Variants in TP53BP2 observed in about 807,000 individuals in gnomAD.
The protein encoded by TP53BP2 is tumor protein p53 binding protein 2, also known as apoptosis-stimulating of p53 protein 2.
Under a neutral mutation model 126.2 loss-of-function variants are expected in TP53BP2, and 62 were observed. The observed-to-expected ratio is 0.49, with a 90% confidence interval of 0.40 to 0.61. TP53BP2 has a LOEUF of 0.61. Among genes scored for constraint, TP53BP2 ranks in the 20% least tolerant of loss-of-function variants. TP53BP2 has a pLI of 0.00. For missense variants in TP53BP2, 1,215 were observed against 1,402.8 expected, an observed-to-expected ratio of 0.87 and a Z score of 2.14; for synonymous variants, 485 against 502.9, an observed-to-expected ratio of 0.96 and a Z score of 0.48.
intron 11 of TP53BP2, 125 bp downstream of exon 11, chr1:223,799,774 G>A (rs1662467626): frequency 2.4e-6 from 2 of 839,984 alleles, no homozygotes; most frequent in Non-Finnish European, 3.3e-6. Context: ...GAATGCTAAT[G>A]TATTTTCTAA....
Position 223,807,295 on chromosome 1 carries a change from T to C in TP53BP2, c.373-348A>G, listed in dbSNP as rs544764190. 4.7e-4 allele frequency among the ~76,000 whole-genome samples: 72 copies of C among 152,330 alleles called. 1 individual carries two copies. In the South Asian group the frequency reaches 9.7e-3, roughly 21 times the overall value. ...CAGAAGTGTTTGATCATATTAAACA[T>C]GGTATTGAGGCACTGGCAGCAAACC... On this transcript the variant is annotated intron_variant, in intron 4 of 17. Transcript: ENST00000343537.
At position 223,816,852 on chromosome 1, in the gene TP53BP2, T is replaced by TA. The variant is rs201147138; in HGVS notation, c.176-2500dup. Among the ~76,000 whole-genome samples, 851 of 139,818 alleles carry TA rather than the reference T, an allele frequency of 6.1e-3. 2 individuals are homozygous for TA. The highest frequency in any genetic ancestry group is 7.5e-3 in the Middle Eastern group (2 of 266). 91.7% of individuals were successfully genotyped at this position (139,818 alleles called of 152,430 possible). ...TGTTGTATACCTTAAATATACACATTAAAAAAAAAAAAAAATGTGTGGCCT... is the reference window on the plus strand; with the variant it reads ...TGTTGTATACCTTAAATATACACATTAAAAAAAAAAAAAAAATGTGTGGCCT... On this transcript the variant is annotated intron_variant, in intron 2 of 17. Coordinates refer to ENST00000343537, the MANE Select transcript of TP53BP2 (RefSeq NM_001031685.3).
At chr1:223,819,312 C>CT (rs1249151317) in intron 2 of TP53BP2, among the ~76,000 whole-genome samples, 3 of 152,016 alleles carry the variant, frequency 2.0e-5, no homozygotes, top group African/African-American at 7.3e-5. Flanking sequence ...GAGTACAGCC[C>CT]TGGCAAAGAT....
At chr1:223,786,037 T>C (rs915686258) in intron 16 of TP53BP2, among the ~76,000 whole-genome samples, 10 of 152,016 alleles carry the variant, frequency 6.6e-5, no homozygotes, top group African/African-American at 2.2e-4. Flanking sequence ...ACAGCACACA[T>C]GTCCTTCGAA....
At chr1:223,840,310 T>C (rs566820637) in intron 1 of TP53BP2, among the ~76,000 whole-genome samples, 216 of 152,372 alleles carry the variant, frequency 1.4e-3, no homozygotes, top group Non-Finnish European at 2.7e-3. Context: ...ATTTCATACA[T>C]AGTCACATCA....
chr1:223,837,163 G>GGGGA (rs1553264323), intron 1 of TP53BP2, among the ~76,000 whole-genome samples: 5,856 of 124,644 alleles, frequency 0.047, 170 homozygotes, highest in African/African-American at 0.072. Context: ...AAAGGGGGGG[G>GGGGA]GCGGGGGGTC....
chr1:223,792,863 C>CAAAA (rs35552256), intron 14 of TP53BP2, among the ~76,000 whole-genome samples: 2 of 129,356 alleles, frequency 1.5e-5, no homozygotes, highest in African/African-American at 2.8e-5. Flanking sequence ...CTATGGAAAG[C>CAAAA]AAAAAAAAAA....
intron 1 of TP53BP2, among the ~76,000 whole-genome samples, chr1:223,844,030 G>A (rs1664190453): frequency 6.6e-6 from 1 of 152,114 alleles, no homozygotes. Context: ...CCTAAGAGCT[G>A]AGTACTATTA....
intron 1 of TP53BP2, among the ~76,000 whole-genome samples, chr1:223,841,568 TTGTGCAAATC>T (rs949878458): frequency 3.3e-5 from 5 of 152,230 alleles, no homozygotes; most frequent in African/African-American, 1.2e-4. Flanking sequence ...TGGTTGTGTT[TTGTGCAAATC>T]TGTGCAAATA....
At chr1:223,782,283 C>G (rs1189162311) in intron 17 of TP53BP2, among the ~76,000 whole-genome samples, 7 of 152,104 alleles carry the variant, frequency 4.6e-5, no homozygotes. Context: ...AAATACAAGA[C>G]TCAAGTAAGC....
chr1:223,817,029 A>G (rs1354096900), intron 2 of TP53BP2, among the ~76,000 whole-genome samples: 1 of 150,800 alleles, frequency 6.6e-6, no homozygotes, highest in Admixed American at 6.6e-5. Flanking sequence ...GTGTGGTGGC[A>G]CATTCCTATA....
chr1:223,783,228 C>A (rs188202640), intron 17 of TP53BP2, among the ~76,000 whole-genome samples: 4 of 152,330 alleles, frequency 2.6e-5, no homozygotes, highest in Admixed American at 6.5e-5. Flanking sequence ...CCACACTAAT[C>A]TTGGGAGGCA....
intron 17 of TP53BP2, among the ~76,000 whole-genome samples, chr1:223,781,269 C>T (rs1423734142): frequency 3.9e-5 from 6 of 152,208 alleles, no homozygotes; most frequent in Non-Finnish European, 8.8e-5. Flanking sequence ...GCATTTGGAG[C>T]TTCTATTAGG....
chr1:223,804,040 T>C, intron 6 of TP53BP2, 134 bp downstream of exon 6: 1 of 869,328 alleles, frequency 1.2e-6, no homozygotes, highest in Admixed American at 2.5e-5. Context: ...CCCCAGCTAC[T>C]CAGGAGGCTG....
In TP53BP2 at chr1:223,796,523, A is replaced by G; in HGVS notation, c.2016T>C (p.Asn672=). ...CTGGACTGCCAGGCTTGCCCTGGCT[A>G]TTGGAATAAATGTTCTCTGGGTGCT... The part of the protein sequence containing the change: ...QQQHPENIYS[N]SQGKPGSPEP... Residue 672 remains asparagine, a synonymous_variant, in exon 13 of 18, where the codon AAT becomes AAC. Transcript: ENST00000343537. The surrounding 1 kb of genome is among the most constrained non-coding windows in gnomAD (Gnocchi z 4.2). The G allele has an allele frequency of 6.2e-7, 1 of 1,614,040 alleles. No homozygotes were observed. The highest frequency in any genetic ancestry group is 8.5e-7 in the Non-Finnish European group (1 of 1,180,002).
At chr1:223,782,077 G>A (rs1056419553) in intron 17 of TP53BP2, among the ~76,000 whole-genome samples, 1 of 152,052 alleles carries the variant, frequency 6.6e-6, no homozygotes, top group African/African-American at 2.4e-5. Flanking sequence ...AAGATCTACT[G>A]TACAACTTGG....
chr1:223,788,355 T>G (rs1245492497), intron 16 of TP53BP2, among the ~76,000 whole-genome samples: 1 of 152,152 alleles, frequency 6.6e-6, no homozygotes, highest in Admixed American at 6.5e-5. Flanking sequence ...TTAATTCCTC[T>G]CAAGCCCAAC....
intron 2 of TP53BP2, among the ~76,000 whole-genome samples, chr1:223,815,372 A>G (rs1324175303): frequency 6.6e-6 from 1 of 152,188 alleles, no homozygotes; most frequent in African/African-American, 2.4e-5. Context: ...TATAAACCAC[A>G]CATATTCTAA....
intron 1 of TP53BP2, among the ~76,000 whole-genome samples, chr1:223,834,587 G>C (rs1347154862): frequency 1.3e-5 from 2 of 151,982 alleles, no homozygotes; most frequent in Admixed American, 1.3e-4. Context: ...GAATTTCAGG[G>C]AATTCCATTT....
Sources: allele counts gnomAD v4.1 joint callset (sites outside exome capture counted in the v4.1 genomes callset), GRCh38; gene constraint gnomAD v4.1.1; non-coding constraint Gnocchi (gnomAD v3.1); transcripts MANE v1.5; gene names NCBI Gene and HGNC (gene_info 2026-07-23, HGNC 2026-07-21).